STPG1: variants seen among roughly 807,000 people sequenced by gnomAD.
STPG1 encodes the protein sperm tail PG-rich repeat containing 1.
Under a neutral mutation model 40.1 loss-of-function variants are expected in STPG1, and 33 were observed. The ratio of observed to expected loss-of-function variants is 0.82; its 90% CI spans 0.62 to 1.10. The LOEUF is 1.10. Among genes scored for constraint, STPG1 ranks in the 50% least tolerant of loss-of-function variants. The pLI is 0.00. For synonymous variants in STPG1, 150 were observed against 155.0 expected (o/e 0.97, Z 0.24); for missense variants, 396 against 415.1 (o/e 0.95, Z 0.40).
chr1:24,412,346 G>A (rs752497598), intron 1 of STPG1, among the ~76,000 whole-genome samples: 6 of 152,100 alleles, frequency 3.9e-5, no homozygotes, highest in Admixed American at 6.6e-5. Context: ...CAAAATTCAC[G>A]AGACTCTCTG....
At chr1:24,360,349 T>C (rs1005309894) in intron 8 of STPG1, among the ~76,000 whole-genome samples, 2 of 152,116 alleles carry the variant, frequency 1.3e-5, no homozygotes, top group Non-Finnish European at 2.9e-5. Flanking sequence ...CTTGGGAGGC[T>C]GAGGCATGAG....
Position 24,383,894 on chromosome 1 carries a change from G to T in STPG1, c.291+8C>A, listed in dbSNP as rs768825836. On this transcript the variant is annotated splice_region_variant and intron_variant, in intron 4 of 8. Transcript: ENST00000337248. Reference sequence around the variant, plus strand: ...GTTAATGCTTTACTCAAGAGAAGTGGTTCTCACCATTGAGGGAAACATGCA... The same window carrying T: ...GTTAATGCTTTACTCAAGAGAAGTGTTTCTCACCATTGAGGGAAACATGCA... 2 of 1,569,168 alleles carry T rather than the reference G, an allele frequency of 1.3e-6. No homozygotes were observed. Among genetic ancestry groups the T allele is most frequent in the Admixed American group, 1.7e-5 (1 of 59,964 alleles).
intron 2 of STPG1, among the ~76,000 whole-genome samples, chr1:24,395,115 G>A (rs889462586): frequency 1.3e-5 from 2 of 151,600 alleles, no homozygotes; most frequent in Non-Finnish European, 1.5e-5. Context: ...AAACAAATAC[G>A]AGAATGACAG....
At chr1:24,362,258 G>GAGT (rs1266834853) in intron 7 of STPG1, among the ~76,000 whole-genome samples, 1 of 152,180 alleles carries the variant, frequency 6.6e-6, no homozygotes, top group Non-Finnish European at 1.5e-5. Context: ...AACCTCCTTA[G>GAGT]TTTTCTAAAA....
chr1:24,386,932 C>T (rs1642530318), intron 3 of STPG1, among the ~76,000 whole-genome samples: 1 of 152,230 alleles, frequency 6.6e-6, no homozygotes. Context: ...TTTGCTGCCT[C>T]TAAGTGTGAG....
At chr1:24,414,754 T>G (rs1643941815), upstream of STPG1, 1 of 152,092 alleles carries the variant, frequency 6.6e-6, no homozygotes, top group African/African-American at 2.4e-5. Context: ...CAGGCTGGTC[T>G]CAAACTCCTG....
intron 7 of STPG1, chr1:24,364,216 CG>C: frequency 6.5e-7 from 1 of 1,541,944 alleles, no homozygotes; most frequent in Non-Finnish European, 8.7e-7. Context: ...ACGCCTGTCT[CG>C]CCACCCCCCA....
At chr1:24,410,913 C>T (rs1643595032) in intron 1 of STPG1, 2 of 152,156 alleles carry the variant, frequency 1.3e-5, no homozygotes, top group Admixed American at 1.3e-4. Context: ...CCAGAGTATC[C>T]AGTCCTGGGT....
At chr1:24,394,003 G>A (rs939959987) in intron 2 of STPG1, among the ~76,000 whole-genome samples, 5 of 152,206 alleles carry the variant, frequency 3.3e-5, no homozygotes, top group African/African-American at 1.2e-4. Flanking sequence ...CAGAGTACCA[G>A]AGAAGAGAGA....
chr1:24,395,428 ATTTT>A (rs71577706), intron 2 of STPG1, among the ~76,000 whole-genome samples: 14 of 128,058 alleles, frequency 1.1e-4, no homozygotes, highest in South Asian at 2.4e-4. Flanking sequence ...AAATTGAACA[ATTTT>A]TTTTTTTTTT....
Position 24,359,613 on chromosome 1 carries a change from G to A in STPG1, c.929-994C>T, listed in dbSNP as rs1640961091. Among the ~76,000 whole-genome samples, 1 of 152,130 alleles carries A rather than the reference G, an allele frequency of 6.6e-6. No individual in the cohort carries two copies. Among genetic ancestry groups the A allele is most frequent in the Non-Finnish European group, 1.5e-5 (1 of 68,012 alleles). The stretch of plus-strand genomic sequence containing the variant: ...TGACGGCATCTCCCCACCTGACTGT[G>A]GCCTCTGGGGGCAAACCTGGGGCCC... On this transcript the variant is annotated intron_variant, in intron 8 of 8. Transcript: ENST00000337248. The surrounding 1 kb of genome is among the most constrained non-coding windows in gnomAD (Gnocchi z 5.3).
At chr1:24,375,279 C>T (rs1332985906) in intron 5 of STPG1, among the ~76,000 whole-genome samples, 1 of 152,146 alleles carries the variant, frequency 6.6e-6, no homozygotes. Context: ...CATTGGAGAA[C>T]AGAGGCAATA....
At chr1:24,392,082 C>T (rs1642796574) in intron 2 of STPG1, 1 of 992,932 alleles carries the variant, frequency 1.0e-6, no homozygotes, top group African/African-American at 1.7e-5. Context: ...ATTCAGACAC[C>T]AGCATTAGGC....
At chr1:24,371,809 A>G (rs966184679) in intron 6 of STPG1, among the ~76,000 whole-genome samples, 1 of 152,176 alleles carries the variant, frequency 6.6e-6, no homozygotes, top group African/African-American at 2.4e-5. Flanking sequence ...TACCAGAGAG[A>G]GCCAGCCGCC....
At chr1:24,401,247 C>A (rs764808226) in intron 2 of STPG1, 72 bp downstream of exon 2, 1 of 1,381,178 alleles carries the variant, frequency 7.2e-7, no homozygotes, top group African/African-American at 1.4e-5. Flanking sequence ...TACTATTCCC[C>A]CCAAATTTGC....
chr1:24,390,822 C>G (rs61772836), intron 3 of STPG1, among the ~76,000 whole-genome samples: 11,224 of 149,734 alleles, frequency 0.075, 610 homozygotes, highest in Admixed American at 0.15. Flanking sequence ...TAATTTCAGA[C>G]AGGGTCTAGC....
At chr1:24,379,860 A>G (rs1279335521) in intron 4 of STPG1, 37 bp from the exon 5 acceptor site, 3 of 1,599,316 alleles carry the variant, frequency 1.9e-6, no homozygotes, top group Admixed American at 1.7e-5. Context: ...GCATTGTCAC[A>G]TAATATTGTG....
rs1640846844 is a variant in STPG1, at chr1:24,358,195, AAGTCTGCGCTTCAGGAGTCCCTTC to A, written c.*324_*347del. On this transcript the variant is annotated 3_prime_UTR_variant, in exon 9 of 9. Coordinates refer to ENST00000337248, the MANE Select transcript of STPG1 (RefSeq NM_001199013.2). Reference sequence around the variant, plus strand: ...CTTCAGGGTGGACTGATCCTCCTTGAAGTCTGCGCTTCAGGAGTCCCTTCAGTCTGCGGCAGGGAGTCGTGCCGG... The same window carrying A: ...CTTCAGGGTGGACTGATCCTCCTTGAAGTCTGCGGCAGGGAGTCGTGCCGG... 7.5e-6 allele frequency: 4 copies of A among 531,044 alleles called. No individual in the cohort carries two copies. The allele number at this position is 531,044 out of a possible 1,614,324, so 32.9% of individuals were successfully genotyped here.
At chr1:24,382,823 T>C (rs1190835935) in intron 4 of STPG1, among the ~76,000 whole-genome samples, 2 of 152,044 alleles carry the variant, frequency 1.3e-5, no homozygotes, top group African/African-American at 2.4e-5. Flanking sequence ...GGCATCATAA[T>C]ACATCTGTGC....
Sources: gnomAD v4.1 joint callset for allele counts (sites outside exome capture counted in the v4.1 genomes callset) on GRCh38, gnomAD v4.1.1 for gene constraint, Gnocchi (gnomAD v3.1) non-coding constraint, MANE v1.5 for transcripts, NCBI Gene and HGNC (gene_info 2026-07-23, HGNC 2026-07-21) for gene names.